The following PGLYRP2 variants were observed in gnomAD, a reference collection of about 807,000 sequenced individuals.
The protein encoded by PGLYRP2 is peptidoglycan recognition protein 2.
A neutral mutation model predicts 46.2 loss-of-function variants in PGLYRP2; 38 were observed. The ratio of observed to expected loss-of-function variants is 0.82; its 90% confidence interval spans 0.64 to 1.08. PGLYRP2 has a LOEUF of 1.08. Ranked by LOEUF, PGLYRP2 falls within the 50% of genes least tolerant of loss-of-function variation. The pLI is 0.00. For missense variants in PGLYRP2, 713 were observed against 755.9 expected (o/e 0.94, Z 0.67); for synonymous variants, 289 against 329.4 (o/e 0.88, Z 1.33).
chr19:15,475,903 C>T lies in PGLYRP2; in HGVS notation c.767G>A (p.Arg256Gln), dbSNP rs147159919. The T allele has an allele frequency of 2.5e-4, 407 of 1,613,942 alleles. 1 individual carries two copies. Among genetic ancestry groups the T allele is most frequent in the Non-Finnish European group, 3.2e-4 (374 of 1,180,020 alleles). Reference sequence around the variant, plus strand: ...CTTGGGGTCCAAAAGCGTAAAGGTCCGAGGGGCAGAGAGCTGGTCCCAGCA... The same window carrying T: ...CTTGGGGTCCAAAAGCGTAAAGGTCTGAGGGGCAGAGAGCTGGTCCCAGCA... ...EGCWDQLSAPRTFTLLDPKAS... is the reference protein window; with the variant it reads ...EGCWDQLSAPQTFTLLDPKAS... The change falls in exon 2 of 5, where the codon CGG becomes CAG. Residue 256 changes from arginine to glutamine, a missense_variant. Transcript: ENST00000340880.
At chr19:15,471,103 C>T (rs925232944) in intron 3 of PGLYRP2, among the ~76,000 whole-genome samples, 13 of 79,462 alleles carry the variant, frequency 1.6e-4, no homozygotes, top group African/African-American at 7.9e-4. Flanking sequence ...CCATGCCCAG[C>T]TTTTTTTTTT....
chr19:15,473,406 G>T (rs1305107630), intron 2 of PGLYRP2, among the ~76,000 whole-genome samples: 1 of 139,982 alleles, frequency 7.1e-6, no homozygotes, highest in East Asian at 2.3e-4. Flanking sequence ...GGAGGCAGAG[G>T]TTGCAGTGAG....
rs1286054298 is a variant in PGLYRP2, at chr19:15,469,915, G to A, written c.1358C>T (p.Ser453Leu). Reference protein sequence around the residue: ...GDIGYSFVVGSDGYVYEGRGW... With the variant: ...GDIGYSFVVGLDGYVYEGRGW... ...GCGTCCCTCGTACACGTAGCCGTCC[G>A]AGCCCACCACGAAACTGCAGAGGGG... The change falls in exon 4 of 5, where the codon TCG (serine) becomes TTG (leucine). Residue 453 changes from serine (S) to leucine (L), a missense_variant. Coordinates refer to ENST00000340880, the MANE Select transcript of PGLYRP2 (RefSeq NM_052890.4). The surrounding 1 kb of genome is among the most constrained non-coding windows in gnomAD (Gnocchi z 4.9). 6 of 1,436,180 alleles carry A rather than the reference G, an allele frequency of 4.2e-6. No homozygotes were observed. The highest frequency in any genetic ancestry group is 2.8e-5 in the Admixed American group (1 of 35,912). 89.0% of individuals were successfully genotyped at this position (1,436,180 alleles called of 1,614,324 possible).
intron 2 of PGLYRP2, 87 bp from the exon 3 acceptor site, chr19:15,472,187 C>T: frequency 9.0e-7 from 1 of 1,108,598 alleles, no homozygotes; most frequent in Non-Finnish European, 1.3e-6. Context: ...TACAGACCAT[C>T]CCTCAGCCTC....
rs1428344821 is a variant in PGLYRP2, at chr19:15,469,024, A to G, written c.1642-272T>C. 1 of 510,716 alleles carries G rather than the reference A, an allele frequency of 2.0e-6. No individual in the cohort carries two copies. The highest frequency in any genetic ancestry group is 3.5e-6 in the Non-Finnish European group (1 of 286,164). The allele number at this position is 510,716 out of a possible 1,614,324, so 31.6% of individuals were successfully genotyped here. Reference sequence around the variant, plus strand: ...GGGCTGGGATGAGGTCATCAGGTCAAAGTTGTGCTGGCATAAGAGTTGTCA... The same window carrying G: ...GGGCTGGGATGAGGTCATCAGGTCAGAGTTGTGCTGGCATAAGAGTTGTCA... On this transcript the variant is annotated intron_variant, in intron 4 of 4. Coordinates refer to ENST00000340880, the MANE Select transcript of PGLYRP2 (RefSeq NM_052890.4). This position sits in a 1 kb window ranked among gnomAD's most constrained non-coding sequence, Gnocchi z 4.9.
rs990994262 is a variant in PGLYRP2 at position 15,469,961 on chromosome 19, C to A, written c.1344-32G>T. On this transcript the variant is annotated intron_variant, in intron 3 of 4. Transcript: ENST00000340880. The surrounding 1 kb of genome is among the most constrained non-coding windows in gnomAD (Gnocchi z 4.9). The stretch of plus-strand genomic sequence containing the variant: ...AGGGGAGGGAGAAGCAAGCACCATG[C>A]GGCGTGAGGGGGACCCGGGCCCTTA... The A allele has an allele frequency of 8.3e-5, 116 of 1,389,602 alleles. No individual in the cohort carries two copies. Among genetic ancestry groups the A allele is most frequent in the Non-Finnish European group, 1.0e-4 (109 of 1,075,194 alleles). The allele number at this position is 1,389,602 out of a possible 1,614,324, so 86.1% of individuals were successfully genotyped here.
At position 15,469,107 on chromosome 19, in the gene PGLYRP2, C is replaced by G. The variant is rs1212889480; in HGVS notation, c.1642-355G>C. The stretch of plus-strand genomic sequence containing the variant: ...AACCTCAGAGTTGAGATTGTCTGGA[C>G]AGAGAATTGCAACACAGGATTAAGG... On this transcript the variant is annotated intron_variant, in intron 4 of 4. Coordinates refer to ENST00000340880, the MANE Select transcript of PGLYRP2 (RefSeq NM_052890.4). This position sits in a 1 kb window ranked among gnomAD's most constrained non-coding sequence, Gnocchi z 4.9. 3.8e-6 allele frequency: 2 copies of G among 529,816 alleles called. No homozygotes were observed. Among genetic ancestry groups the G allele is most frequent in the African/African-American group, 3.8e-5 (2 of 52,594 alleles). 32.8% of individuals were successfully genotyped at this position (529,816 alleles called of 1,614,324 possible).
intron 2 of PGLYRP2, among the ~76,000 whole-genome samples, chr19:15,473,614 C>G (rs1970769686): frequency 6.7e-6 from 1 of 150,342 alleles, no homozygotes; most frequent in South Asian, 2.2e-4. Context: ...GCAAAGAATT[C>G]ATGACTAAGA....
intron 1 of PGLYRP2, 74 bp from the exon 2 acceptor site, chr19:15,476,682 C>T (rs1173486465): frequency 2.8e-5 from 35 of 1,250,350 alleles, no homozygotes; most frequent in Non-Finnish European, 3.4e-5. Context: ...CACATCTACC[C>T]AATGCTCCCA....
intron 1 of PGLYRP2, among the ~76,000 whole-genome samples, chr19:15,477,788 G>A (rs1451897937): frequency 6.6e-6 from 1 of 152,146 alleles, no homozygotes; most frequent in Non-Finnish European, 1.5e-5. Flanking sequence ...GGATGGGCTT[G>A]TGCCATGTTG....
At chr19:15,475,401 G>T in intron 2 of PGLYRP2, 137 bp downstream of exon 2, 1 of 794,696 alleles carries the variant, frequency 1.3e-6, no homozygotes, top group Non-Finnish European at 2.0e-6. Context: ...CACCTGTGCA[G>T]CTGTCCCACC....
chr19:15,475,477 C>T (rs928968616), intron 2 of PGLYRP2, 61 bp downstream of exon 2: 49 of 1,457,402 alleles, frequency 3.4e-5, no homozygotes, highest in Admixed American at 8.5e-5. Context: ...CCTGAATATA[C>T]GGGGTGGGGG....
At position 15,476,093 on chromosome 19, in the gene PGLYRP2, T is replaced by C. The variant is rs1970792921; in HGVS notation, c.577A>G (p.Thr193Ala). ...ADIGANTPDA[T>A]KGCPDVQASL... ...GCTTGGACATCTGGACAGCCTTTTG[T>C]AGCATCTGGAGTGTTGGCTCCAATA... Residue 193 changes from threonine (T) to alanine (A), a missense_variant, in exon 2 of 5, where the codon ACA becomes GCA. Thr to Ala is a moderately conservative substitution (Grantham distance 58, BLOSUM62 0). Coordinates refer to ENST00000340880, the MANE Select transcript of PGLYRP2 (RefSeq NM_052890.4). The C allele has an allele frequency of 3.1e-6, 5 of 1,614,156 alleles. No individual in the cohort carries two copies. The highest frequency in any genetic ancestry group is 4.2e-6 in the Non-Finnish European group (5 of 1,180,008).
intron 2 of PGLYRP2, 132 bp from the exon 3 acceptor site, chr19:15,472,232 C>T: frequency 1.4e-6 from 1 of 699,636 alleles, no homozygotes; most frequent in Non-Finnish European, 2.4e-6. Flanking sequence ...TCTCACCCCA[C>T]ATTGGTCCTC....
intron 4 of PGLYRP2, 185 bp from the exon 5 acceptor site, chr19:15,468,937 T>A: frequency 1.8e-6 from 1 of 546,018 alleles, no homozygotes; most frequent in Non-Finnish European, 3.3e-6. Context: ...GGAGTGGCAG[T>A]ATGTAGGTAG....
rs768862271 is a variant in PGLYRP2, at chr19:15,475,715, G to A, written c.955C>T (p.Arg319Ter). ...ARDPGFRSNF[R>*]RQNGAALTSA... is the part of the protein sequence containing the mutation. Reference sequence around the variant, plus strand: ...GTCAGAGCAGCACCGTTCTGCCGTCGGAAGTTGCTGCGGAACCCTGGGTCT... The same window carrying A: ...GTCAGAGCAGCACCGTTCTGCCGTCAGAAGTTGCTGCGGAACCCTGGGTCT... Residue 319 changes from arginine (R) to a stop codon, truncating the protein, a stop_gained, in exon 2 of 5, where the codon CGA (arginine) becomes TGA (stop). Coordinates refer to ENST00000340880, the MANE Select transcript of PGLYRP2 (RefSeq NM_052890.4). LOFTEE classifies it high-confidence loss of function. 44 of 1,613,936 alleles carry A rather than the reference G, an allele frequency of 2.7e-5. No individual in the cohort carries two copies. Among genetic ancestry groups the A allele is most frequent in the African/African-American group, 1.3e-4 (10 of 74,912 alleles).
Position 15,472,045 on chromosome 19 carries a change from G to A in PGLYRP2, c.1188C>T (p.Arg396=), listed in dbSNP as rs145608670. The change falls in exon 3 of 5, where the codon CGC becomes CGT. Residue 396 remains arginine (R), a synonymous_variant. Coordinates refer to ENST00000340880, the MANE Select transcript of PGLYRP2 (RefSeq NM_052890.4). The part of the protein sequence containing the change: ...CRWGAAPYRG[R]PKLLQLPLGF... The stretch of plus-strand genomic sequence containing the variant: ...CCAGCGGCAGCTGCAGCAGCTTCGG[G>A]CGGCCCCGATAAGGCGCCGCTCCCC... 1.8e-5 allele frequency: 29 copies of A among 1,611,112 alleles called. No homozygotes were observed. In the African/African-American group the frequency reaches 3.6e-4, roughly 20 times the overall value.
Position 15,471,910 on chromosome 19 carries a change from G to C in PGLYRP2, c.1323C>G (p.Gly441=). The part of the protein sequence containing the change: ...SMQRYHQDTQ[G]WGDIGYSFVV... Reference sequence around the variant, plus strand: ...CCTACCTGTAGCCGATGTCTCCCCAGCCTTGCGTGTCCTGGTGGTAGCGCT... The same window carrying C: ...CCTACCTGTAGCCGATGTCTCCCCACCCTTGCGTGTCCTGGTGGTAGCGCT... Residue 441 remains glycine (G), a synonymous_variant, in exon 3 of 5, where the codon GGC becomes GGG. Coordinates refer to ENST00000340880, the MANE Select transcript of PGLYRP2 (RefSeq NM_052890.4). 6.2e-7 allele frequency: 1 copy of C among 1,612,808 alleles called. No homozygotes were observed. The highest frequency in any genetic ancestry group is 1.1e-5 in the South Asian group (1 of 91,050).
At position 15,471,891 on chromosome 19, in the gene PGLYRP2, T is replaced by C. The variant is rs1325105883; in HGVS notation, c.1342A>G (p.Ser448Gly). The stretch of plus-strand genomic sequence containing the variant: ...CCTCCCCGGTCGGGCCCCTCCTACC[T>C]GTAGCCGATGTCTCCCCAGCCTTGC... Reference protein sequence around the residue: ...DTQGWGDIGYSFVVGSDGYVY... With the variant: ...DTQGWGDIGYGFVVGSDGYVY... Residue 448 changes from serine to glycine, a missense_variant and splice_region_variant, in exon 3 of 5, where the codon AGT becomes GGT. Ser to Gly is a moderately conservative substitution (Grantham distance 56). Coordinates refer to ENST00000340880, the MANE Select transcript of PGLYRP2 (RefSeq NM_052890.4). 4 of 1,596,280 alleles carry C rather than the reference T, an allele frequency of 2.5e-6. No individual in the cohort carries two copies. Among genetic ancestry groups the C allele is most frequent in the Non-Finnish European group, 3.4e-6 (4 of 1,169,316 alleles).
Sources: allele counts gnomAD v4.1 joint callset (sites outside exome capture counted in the v4.1 genomes callset), GRCh38; gene constraint gnomAD v4.1.1; non-coding constraint Gnocchi (gnomAD v3.1); transcripts MANE v1.5; gene names NCBI Gene and HGNC (gene_info 2026-07-23, HGNC 2026-07-21).